Variants in ZNF385D observed in about 807,000 individuals in gnomAD.
The protein encoded by ZNF385D is zinc finger protein 385D.
In ZNF385D, 15 loss-of-function variants were observed where a neutral mutation model predicts 35.8. That is an observed-to-expected ratio of 0.42 (90% confidence interval 0.28 to 0.64). The LOEUF is 0.64. Among genes scored for constraint, ZNF385D ranks in the 30% least tolerant of loss-of-function variants. ZNF385D has a pLI of 0.23. For missense variants in ZNF385D, 474 were observed against 494.6 expected, an observed-to-expected ratio of 0.96 and a Z score of 0.39; for synonymous variants, 212 against 186.8, an observed-to-expected ratio of 1.13 and a Z score of -1.10.
intron 3 of ZNF385D, among the ~76,000 whole-genome samples, chr3:21,947,504 C>A (rs1701851478): frequency 6.6e-6 from 1 of 152,120 alleles, no homozygotes; most frequent in Non-Finnish European, 1.5e-5. Flanking sequence ...GTGTGCACCA[C>A]CATGCCTGGC....
intron 3 of ZNF385D, among the ~76,000 whole-genome samples, chr3:21,823,916 A>T (rs947160805): frequency 7.2e-5 from 11 of 152,250 alleles, no homozygotes; most frequent in African/African-American, 2.2e-4. Flanking sequence ...AGAGCTGTAC[A>T]TCAAATCTCA....
At chr3:21,918,732 T>C (rs1461507574) in intron 3 of ZNF385D, among the ~76,000 whole-genome samples, 2 of 152,184 alleles carry the variant, frequency 1.3e-5, no homozygotes, top group African/African-American at 4.8e-5. Context: ...TTCTATAACA[T>C]GGTGTTTGTC....
intron 3 of ZNF385D, among the ~76,000 whole-genome samples, chr3:22,125,075 A>G (rs1703349438): frequency 6.6e-6 from 1 of 152,096 alleles, no homozygotes; most frequent in Non-Finnish European, 1.5e-5. Flanking sequence ...CCTATAATCG[A>G]CTTTAATTTT....
chr3:22,025,545 G>A (rs1332114744), intron 3 of ZNF385D, among the ~76,000 whole-genome samples: 3 of 152,286 alleles, frequency 2.0e-5, no homozygotes, highest in South Asian at 2.1e-4. Flanking sequence ...TGAATTTATC[G>A]ATTTGGGCCC....
At chr3:22,261,826 C>T (rs1700648733) in intron 2 of ZNF385D, among the ~76,000 whole-genome samples, 1 of 151,998 alleles carries the variant, frequency 6.6e-6, no homozygotes, top group Admixed American at 6.6e-5. Context: ...ACCCATACCT[C>T]TACTTCCTCC....
chr3:22,038,071 A>T (rs567643011), intron 3 of ZNF385D, among the ~76,000 whole-genome samples: 1 of 152,310 alleles, frequency 6.6e-6, no homozygotes, highest in African/African-American at 2.4e-5. Context: ...TTATACAAAA[A>T]TTAATTCAAG....
intron 2 of ZNF385D, among the ~76,000 whole-genome samples, chr3:22,217,928 A>G (rs1479971904): frequency 3.9e-5 from 6 of 152,238 alleles, no homozygotes; most frequent in Non-Finnish European, 5.9e-5. Flanking sequence ...CAGCACTCCA[A>G]TTGGTCACTC....
At chr3:22,105,753 G>T in intron 3 of ZNF385D, among the ~76,000 whole-genome samples, 1 of 152,084 alleles carries the variant, frequency 6.6e-6, no homozygotes, top group East Asian at 1.9e-4. Flanking sequence ...ACCAACATTG[G>T]GGAGGGCCAT....
At chr3:21,913,556 T>G (rs1170184366) in intron 3 of ZNF385D, among the ~76,000 whole-genome samples, 1 of 152,128 alleles carries the variant, frequency 6.6e-6, no homozygotes, top group Non-Finnish European at 1.5e-5. Flanking sequence ...ACAAATATTA[T>G]AGCAACTCAT....
rs182878554 is a variant in ZNF385D, at chr3:21,865,399, T to C, written c.326-200371A>G. Among the ~76,000 whole-genome samples, 322 of 152,186 alleles carry C rather than the reference T, an allele frequency of 2.1e-3. 4 individuals carry two copies. Among genetic ancestry groups the C allele is most frequent in the African/African-American group, 7.5e-3 (310 of 41,544 alleles). On this transcript the variant is annotated intron_variant, in intron 3 of 5. Transcript: ENST00000494108. ...GAAAGATAAAATCCTTGTTCAGCAATTTAACAAAGTCACTTACCTTCCTTA... is the reference window on the plus strand; with the variant it reads ...GAAAGATAAAATCCTTGTTCAGCAACTTAACAAAGTCACTTACCTTCCTTA...
chr3:21,740,456 T>C (rs2125520788), intron 1 of ZNF385D, among the ~76,000 whole-genome samples: 1 of 152,304 alleles, frequency 6.6e-6, no homozygotes, highest in African/African-American at 2.4e-5. Context: ...TTCAAAATCC[T>C]TTCCAGAACT....
intron 2 of ZNF385D, among the ~76,000 whole-genome samples, chr3:22,214,194 C>T (rs6765855): frequency 1.3e-5 from 2 of 152,076 alleles, no homozygotes; most frequent in Middle Eastern, 3.4e-3. Flanking sequence ...ACTGCAATCT[C>T]TGAACATAAA....
intron 2 of ZNF385D, among the ~76,000 whole-genome samples, chr3:22,281,218 AC>A (rs1701719581): frequency 6.6e-6 from 1 of 151,894 alleles, no homozygotes; most frequent in African/African-American, 2.4e-5. Context: ...CAGTTTGGAT[AC>A]CCTTTCTTTC....
At chr3:22,266,456 C>A (rs992367972) in intron 2 of ZNF385D, among the ~76,000 whole-genome samples, 7 of 151,780 alleles carry the variant, frequency 4.6e-5, no homozygotes, top group African/African-American at 1.7e-4. Context: ...TTCACATAGT[C>A]AGCTGGCTGA....
At chr3:21,753,932 G>A (rs1020953903), upstream of ZNF385D, among the ~76,000 whole-genome samples, 5 of 152,024 alleles carry the variant, frequency 3.3e-5, no homozygotes, top group Non-Finnish European at 7.4e-5. Flanking sequence ...TGAAATCATT[G>A]GGTATTTGTT....
chr3:22,129,232 G>A (rs746782505), intron 3 of ZNF385D, among the ~76,000 whole-genome samples: 1 of 152,126 alleles, frequency 6.6e-6, no homozygotes, highest in Non-Finnish European at 1.5e-5. Flanking sequence ...CTGGAGGAGT[G>A]GTGACACAAG....
chr3:21,993,209 G>A (rs1391327), intron 3 of ZNF385D, among the ~76,000 whole-genome samples: 98,083 of 152,052 alleles, frequency 0.65, 32,752 homozygotes, highest in African/African-American at 0.79. Context: ...TGTCTCTGTC[G>A]GCCTCCTTCT....
At chr3:21,967,542 G>A (rs142115604) in intron 3 of ZNF385D, among the ~76,000 whole-genome samples, 96 of 152,182 alleles carry the variant, frequency 6.3e-4, no homozygotes, top group Non-Finnish European at 9.7e-4. Context: ...AGTTCCTGGA[G>A]AGAAGGAAAG....
intron 3 of ZNF385D, among the ~76,000 whole-genome samples, chr3:21,830,444 C>T (rs768726028): frequency 3.3e-5 from 5 of 152,166 alleles, no homozygotes; most frequent in Non-Finnish European, 5.9e-5. Flanking sequence ...GTATAAAACT[C>T]CTGCAACCAT....
Sources: allele counts gnomAD v4.1 joint callset (sites outside exome capture counted in the v4.1 genomes callset), GRCh38; gene constraint gnomAD v4.1.1; transcripts MANE v1.5; gene names NCBI Gene and HGNC (gene_info 2026-07-23, HGNC 2026-07-21).